Variants in PUDP observed in about 807,000 individuals in gnomAD.
PUDP encodes the protein pseudouridine-5'-phosphatase.
In PUDP, 8 loss-of-function variants were observed where a neutral mutation model predicts 9.4. The ratio of observed to expected loss-of-function variants is 0.85; its 90% CI spans 0.50 to 1.53. PUDP has a LOEUF of 1.53. Ranked by LOEUF, PUDP falls within the 40% of genes most tolerant of loss-of-function variation. The pLI, the probability that PUDP is intolerant of heterozygous loss-of-function variation, is 0.00. For missense variants in PUDP, 188 were observed against 189.7 expected (o/e 0.99, Z 0.05); for synonymous variants, 99 against 80.7 (o/e 1.23, Z -1.22).
At chrX:7,055,379 G>A in intron 3 of PUDP, among the ~76,000 whole-genome samples, 1 of 110,934 alleles carries the variant, frequency 9.0e-6, no homozygotes, top group Non-Finnish European at 1.9e-5. Context: ...AGCCTCTCGA[G>A]TAGCTGGGAT....
chrX:7,148,021 C>T (rs1302943944), intron 1 of PUDP, 32 bp downstream of exon 1: 10 of 1,106,976 alleles, frequency 9.0e-6, no homozygotes, highest in Non-Finnish European at 1.2e-5. Flanking sequence ...CAAGACCGCC[C>T]TTACTGGAGG....
chrX:6,737,388 G>A (rs1232483514), intron 3 of PUDP, among the ~76,000 whole-genome samples: 1 of 112,021 alleles, frequency 8.9e-6, no homozygotes, highest in Non-Finnish European at 1.9e-5. Context: ...GGGGTAGGGA[G>A]TTGCAATTTA....
At chrX:6,883,817 C>T (rs1404625839) in intron 3 of PUDP, among the ~76,000 whole-genome samples, 1 of 111,530 alleles carries the variant, frequency 9.0e-6, no homozygotes, top group African/African-American at 3.3e-5. Context: ...TCAATTCTGT[C>T]CACATTTTTA....
At chrX:7,013,778 G>A (rs945400754) in intron 1 of PUDP, among the ~76,000 whole-genome samples, 5 of 111,742 alleles carry the variant, frequency 4.5e-5, no homozygotes, top group Non-Finnish European at 9.4e-5. Context: ...GTCTGGGGAG[G>A]GGGGGTGCCT....
At chrX:7,012,719 C>T (rs182144935) in intron 1 of PUDP, among the ~76,000 whole-genome samples, 14 of 111,065 alleles carry the variant, frequency 1.3e-4, no homozygotes, top group Admixed American at 1.2e-3. Flanking sequence ...TGATGCCACT[C>T]AGACCTGAGT....
chrX:6,909,275 TG>T (rs1927814076), intron 3 of PUDP, among the ~76,000 whole-genome samples: 1 of 111,926 alleles, frequency 8.9e-6, no homozygotes, highest in African/African-American at 3.2e-5. Context: ...AGAACAAAGC[TG>T]AAACATAATT....
At chrX:6,885,946 G>A (rs1337769381) in intron 3 of PUDP, among the ~76,000 whole-genome samples, 3 of 111,944 alleles carry the variant, frequency 2.7e-5, no homozygotes, top group Non-Finnish European at 5.6e-5. Context: ...TTTTTATAAT[G>A]TATAATTGAT....
At chrX:6,914,848 A>C (rs1285961797) in intron 3 of PUDP, among the ~76,000 whole-genome samples, 1 of 112,556 alleles carries the variant, frequency 8.9e-6, no homozygotes, top group Non-Finnish European at 1.9e-5. Flanking sequence ...CGTCGATATA[A>C]AGTGAACCAC....
chrX:7,076,439 G>GT (rs1325546229), intron 3 of PUDP, among the ~76,000 whole-genome samples: 1 of 111,898 alleles, frequency 8.9e-6, no homozygotes, highest in African/African-American at 3.2e-5. Flanking sequence ...GTGACTTCCT[G>GT]TGATTCTGGA....
chrX:7,090,976 C>A (rs115860066), intron 2 of PUDP, among the ~76,000 whole-genome samples: 1,796 of 112,156 alleles, frequency 0.016, 34 homozygotes, highest in African/African-American at 0.052. Context: ...AAAATGCATT[C>A]TTTTGTATTA....
intron 1 of PUDP, among the ~76,000 whole-genome samples, chrX:7,129,605 G>A (rs1932568774): frequency 2.7e-5 from 3 of 112,257 alleles, no homozygotes; most frequent in African/African-American, 9.7e-5. Flanking sequence ...ATTCCCTGAA[G>A]GCAAGAGGAA....
chrX:7,133,274 A>G (rs1932665095), intron 1 of PUDP, among the ~76,000 whole-genome samples: 1 of 111,813 alleles, frequency 8.9e-6, no homozygotes, highest in African/African-American at 3.3e-5. Flanking sequence ...GGTGAGGCCC[A>G]GCCAGGGAGG....
chrX:6,920,059 T>C (rs1298642318), intron 3 of PUDP, among the ~76,000 whole-genome samples: 2 of 108,479 alleles, frequency 1.8e-5, no homozygotes, highest in Non-Finnish European at 3.8e-5. Context: ...GGGGCAAGGT[T>C]TACCTCTCCT....
At chrX:7,058,001 C>T (rs927823187) in intron 3 of PUDP, among the ~76,000 whole-genome samples, 15 of 111,064 alleles carry the variant, frequency 1.4e-4, no homozygotes, top group African/African-American at 4.9e-4. Context: ...ATCCTGTCCC[C>T]GTGGCACTTG....
intron 3 of PUDP, among the ~76,000 whole-genome samples, chrX:6,840,694 C>T (rs1926653868): frequency 9.0e-6 from 1 of 110,808 alleles, no homozygotes; most frequent in African/African-American, 3.3e-5. Flanking sequence ...TATCCATCTG[C>T]CAAACCCATA....
chrX:7,107,384 C>A (rs932405542), intron 1 of PUDP, among the ~76,000 whole-genome samples: 1 of 112,474 alleles, frequency 8.9e-6, no homozygotes, highest in East Asian at 2.8e-4. Context: ...GTAACGTGTA[C>A]GCACAGAGAA....
chrX:6,847,859 G>A (rs1370827927), intron 3 of PUDP, among the ~76,000 whole-genome samples: 1 of 111,773 alleles, frequency 8.9e-6, no homozygotes, highest in Admixed American at 9.5e-5. Flanking sequence ...ACTAGCCTGG[G>A]CTTGTTCTCA....
At chrX:6,761,361 G>A (rs1265485051) in intron 3 of PUDP, among the ~76,000 whole-genome samples, 6 of 111,992 alleles carry the variant, frequency 5.4e-5, no homozygotes, top group African/African-American at 1.6e-4. Flanking sequence ...CTAAGAATAG[G>A]ACCCTGGCAT....
chrX:6,858,994 AT>A (rs771627769), intron 3 of PUDP, among the ~76,000 whole-genome samples: 7 of 111,822 alleles, frequency 6.3e-5, no homozygotes, highest in African/African-American at 2.3e-4. Context: ...AGGTTATTGA[AT>A]CATGGTGGCA....
Sources: gnomAD v4.1 joint callset for allele counts (sites outside exome capture counted in the v4.1 genomes callset) on GRCh38, gnomAD v4.1.1 for gene constraint, MANE v1.5 for transcripts, NCBI Gene and HGNC (gene_info 2026-07-23, HGNC 2026-07-21) for gene names.